The following LAS1L variants were observed in gnomAD, a reference collection of about 807,000 sequenced individuals.
LAS1L encodes the protein LAS1 like ribosome biogenesis factor, also known as ribosomal biogenesis protein LAS1L.
In LAS1L, 5 loss-of-function variants were observed where a neutral mutation model predicts 57.3. The ratio of observed to expected loss-of-function variants is 0.09; its 90% confidence interval spans 0.05 to 0.18. LAS1L has a LOEUF of 0.18. Among genes scored for constraint, LAS1L ranks in the 10% least tolerant of loss-of-function variants. The pLI, the probability that LAS1L is intolerant of heterozygous loss-of-function variation, is 1.00. For synonymous variants in LAS1L, 245 were observed against 231.7 expected (o/e 1.06, Z -0.52); for missense variants, 360 against 568.3 (o/e 0.63, Z 3.73).
intron 13 of LAS1L, among the ~76,000 whole-genome samples, chrX:65,514,529 T>C (rs1006785587): frequency 2.1e-5 from 1 of 48,662 alleles, no homozygotes; most frequent in African/African-American, 1.0e-4. Context: ...TGTGTGTGTG[T>C]GCCTGCACAC....
intron 4 of LAS1L, 109 bp downstream of exon 4, chrX:65,531,248 C>T: frequency 4.3e-6 from 2 of 462,289 alleles, no homozygotes; most frequent in Non-Finnish European, 7.4e-6. Context: ...CACCCTAGTC[C>T]CAGCCTTGAC....
chrX:65,531,279 C>A, intron 4 of LAS1L, 78 bp downstream of exon 4: 1 of 699,460 alleles, frequency 1.4e-6, no homozygotes, highest in South Asian at 2.9e-5. Context: ...GACCCTCCTG[C>A]CTATCCCTCT....
chrX:65,512,646 TG>T lies in LAS1L; in HGVS notation c.*128del. The T allele has an allele frequency of 1.4e-6, 1 of 736,468 alleles. No homozygotes were observed. Among genetic ancestry groups the T allele is most frequent in the Non-Finnish European group, 1.9e-6 (1 of 520,298 alleles). The allele number at this position is 736,468 out of a possible 1,213,427, so 60.7% of individuals were successfully genotyped here. A position where few individuals can be genotyped will look rare whatever the true frequency, so the allele number is the denominator to read the frequency against. ...ACAAAAGACATTCAAAATTCCCCTG[TG>T]GTGGACAACTGAGTTGATGTGGCTG... On this transcript the variant is annotated 3_prime_UTR_variant, in exon 14 of 14. Coordinates refer to ENST00000374811, the MANE Select transcript of LAS1L (RefSeq NM_031206.7).
chrX:65,529,933 T>C, intron 4 of LAS1L, 55 bp from the exon 5 acceptor site: 1 of 1,078,019 alleles, frequency 9.3e-7, no homozygotes, highest in Non-Finnish European at 1.3e-6. Context: ...CTAGCAGGCC[T>C]CCAGCCTCAT....
At chrX:65,522,665 G>A (rs1008672750) in intron 11 of LAS1L, 1 of 112,098 alleles carries the variant, frequency 8.9e-6, no homozygotes, top group African/African-American at 3.3e-5. Flanking sequence ...GAAATGGAGG[G>A]ATGGAGATCT....
chrX:65,517,623 CACAT>C (rs964561517), intron 12 of LAS1L, among the ~76,000 whole-genome samples: 6 of 112,293 alleles, frequency 5.3e-5, no homozygotes, highest in Non-Finnish European at 9.4e-5. Context: ...GGCACACACA[CACAT>C]ACACAGAAAG....
chrX:65,528,458 A>C, intron 6 of LAS1L, 89 bp from the exon 7 acceptor site: 2 of 532,991 alleles, frequency 3.8e-6, no homozygotes, highest in Non-Finnish European at 6.5e-6. Flanking sequence ...AGGACCTCTC[A>C]GCACTGCCCT....
rs760556059 is a variant in LAS1L at position 65,517,998 on chromosome X, T to C, written c.1916A>G (p.Gln639Arg). The C allele has an allele frequency of 2.2e-5, 26 of 1,196,298 alleles. No individual in the cohort carries two copies. The highest frequency in any genetic ancestry group is 2.8e-5 in the Non-Finnish European group (25 of 889,748). Residue 639 changes from glutamine (Q) to arginine (R), a missense_variant, in exon 12 of 14, where the codon CAG becomes CGG. Gln to Arg is a conservative substitution (Grantham distance 43). Around this residue, in one of 7 missense-constraint regions of LAS1L, gnomAD observed 123 missense variants for 168.3 expected, o/e 0.73. Coordinates refer to ENST00000374811, the MANE Select transcript of LAS1L (RefSeq NM_031206.7). Reference protein sequence around the residue: ...KRGALQGSAWQVSSEDVRWDT... With the variant: ...KRGALQGSAWRVSSEDVRWDT... ...AAAGTAGTTCTTACCTGAGCTAACCTGCCATGCAGAGCCCTGCAAAGCTCC... is the reference window on the plus strand; with the variant it reads ...AAAGTAGTTCTTACCTGAGCTAACCCGCCATGCAGAGCCCTGCAAAGCTCC...
At chrX:65,531,858 T>C (rs1227159746) in intron 3 of LAS1L, among the ~76,000 whole-genome samples, 2 of 111,644 alleles carry the variant, frequency 1.8e-5, no homozygotes, top group Non-Finnish European at 3.8e-5. Context: ...GAGGCGGAGA[T>C]TGTGGTGAGC....
chrX:65,523,754 C>A (rs1421004145), intron 10 of LAS1L, 47 bp from the exon 11 acceptor site: 12 of 1,125,482 alleles, frequency 1.1e-5, no homozygotes, highest in Admixed American at 2.8e-5. Flanking sequence ...GTGAGCCCCC[C>A]ACCCAACATT....
At chrX:65,516,948 C>G (rs1602579173) in intron 12 of LAS1L, among the ~76,000 whole-genome samples, 1 of 111,163 alleles carries the variant, frequency 9.0e-6, no homozygotes, top group East Asian at 2.8e-4. Flanking sequence ...CTGCACACCC[C>G]ACATCACGCA....
chrX:65,518,989 C>G (rs1179324183), intron 11 of LAS1L: 1 of 749,731 alleles, frequency 1.3e-6, no homozygotes, highest in Admixed American at 8.8e-5. Flanking sequence ...CAGCTACAGC[C>G]CAGCCTGGAA....
At chrX:65,514,162 G>A (rs1421376739) in intron 13 of LAS1L, among the ~76,000 whole-genome samples, 1 of 112,130 alleles carries the variant, frequency 8.9e-6, no homozygotes, top group Non-Finnish European at 1.9e-5. Context: ...CAGCATTCTG[G>A]AATGTACAGG....
intron 4 of LAS1L, 45 bp downstream of exon 4, chrX:65,531,312 G>A (rs760514892): frequency 9.8e-7 from 1 of 1,023,494 alleles, no homozygotes; most frequent in Admixed American, 2.2e-5. Context: ...ACCAAGCCCA[G>A]GCCCCTGGGC....
intron 6 of LAS1L, among the ~76,000 whole-genome samples, chrX:65,528,792 T>G (rs2069313748): frequency 8.9e-6 from 1 of 112,437 alleles, no homozygotes; most frequent in African/African-American, 3.2e-5. Context: ...ATCCATGGCT[T>G]CAATTTCTTA....
Position 65,534,688 on chromosome X carries a change from C to T in LAS1L, c.28G>A (p.Gly10Ser), listed in dbSNP as rs369494568. The T allele has an allele frequency of 1.1e-5, 13 of 1,175,674 alleles. No individual in the cohort carries two copies. The African/African-American group carries it at 2.3e-4, about 21-fold the overall frequency. The change falls in exon 1 of 14, where the codon GGT becomes AGT. Residue 10 changes from glycine (G) to serine (S), a missense_variant. By Grantham distance (56) the Gly-to-Ser change is moderately conservative. Transcript: ENST00000374811. MSWESGAGPGLGSQGMDLVW... is the reference protein window; with the variant it reads MSWESGAGPSLGSQGMDLVW... ...AGATCCATCCCCTGGGAACCTAGAC[C>T]TGGCCCGGCCCCGGATTCCCACGAC...
At chrX:65,514,304 C>G (rs893677541) in intron 13 of LAS1L, among the ~76,000 whole-genome samples, 7 of 110,827 alleles carry the variant, frequency 6.3e-5, no homozygotes, top group African/African-American at 2.0e-4. Context: ...AGCATGAAGC[C>G]CCGTGCAGGC....
intron 11 of LAS1L, chrX:65,523,140 A>C (rs951798499): frequency 2.6e-4 from 31 of 118,288 alleles, no homozygotes; most frequent in African/African-American, 8.3e-4. Flanking sequence ...GCCTAGACTT[A>C]ACAGGAAGGC....
chrX:65,513,041 G>A (rs1352121836), intron 13 of LAS1L, 140 bp from the exon 14 acceptor site: 1 of 630,177 alleles, frequency 1.6e-6, no homozygotes, highest in African/African-American at 2.3e-5. Context: ...GCAAATCCGA[G>A]AAACGACTTC....
Sources: gnomAD v4.1 joint callset for allele counts (sites outside exome capture counted in the v4.1 genomes callset) on GRCh38, gnomAD v4.1.1 for gene constraint, gnomAD v4.1.1 regional missense constraint, MANE v1.5 for transcripts, NCBI Gene and HGNC (gene_info 2026-07-23, HGNC 2026-07-21) for gene names.